Variants in DLG1 observed in about 807,000 individuals in gnomAD.
DLG1 encodes the protein disks large homolog 1.
DLG1 carries 42 observed loss-of-function variants against 123.4 expected under a neutral mutation model. That is an observed-to-expected ratio of 0.34 (90% CI 0.27 to 0.44). The LOEUF (loss-of-function observed/expected upper bound fraction) is 0.44. Ranked by LOEUF, DLG1 falls within the 20% of genes least tolerant of loss-of-function variation. The pLI, the probability that DLG1 is intolerant of heterozygous loss-of-function variation, is 1.00. For missense variants in DLG1, 942 were observed against 1,082.6 expected, an observed-to-expected ratio of 0.87 and a Z score of 1.82; for synonymous variants, 317 against 356.2, an observed-to-expected ratio of 0.89 and a Z score of 1.24.
chr3:197,220,702 T>C (rs1736541277), intron 4 of DLG1, among the ~76,000 whole-genome samples: 1 of 152,194 alleles, frequency 6.6e-6, no homozygotes, highest in African/African-American at 2.4e-5. Context: ...TACACCATCC[T>C]GAAAGACTGA....
chr3:197,175,873 C>G (rs912363213), intron 5 of DLG1, among the ~76,000 whole-genome samples: 2 of 152,126 alleles, frequency 1.3e-5, no homozygotes, highest in Non-Finnish European at 2.9e-5. Flanking sequence ...AAAAATGTTG[C>G]TCAGGCTGAC....
chr3:197,292,775 C>T (rs1560189414), intron 3 of DLG1, among the ~76,000 whole-genome samples: 1 of 152,192 alleles, frequency 6.6e-6, no homozygotes, highest in Non-Finnish European at 1.5e-5. Context: ...AAATAAAACA[C>T]TGCATTAGAA....
chr3:197,220,151 T>C (rs1445820367), intron 4 of DLG1, among the ~76,000 whole-genome samples: 2 of 152,210 alleles, frequency 1.3e-5, no homozygotes, highest in Non-Finnish European at 2.9e-5. Context: ...GCTATATACC[T>C]AGTGCACAGG....
intron 4 of DLG1, among the ~76,000 whole-genome samples, chr3:197,208,805 T>A (rs1729917311): frequency 1.4e-5 from 2 of 145,702 alleles, no homozygotes; most frequent in Admixed American, 1.4e-4. Flanking sequence ...GAGAGGAGAT[T>A]TACCCCTGGG....
chr3:197,208,736 T>C (rs1729870994), intron 4 of DLG1, among the ~76,000 whole-genome samples: 3 of 145,344 alleles, frequency 2.1e-5, no homozygotes, highest in African/African-American at 7.3e-5. Flanking sequence ...AATACACATA[T>C]TTGCTTATAT....
intron 15 of DLG1, among the ~76,000 whole-genome samples, chr3:197,087,865 A>G (rs997426527): frequency 6.6e-6 from 1 of 152,208 alleles, no homozygotes; most frequent in South Asian, 2.1e-4. Context: ...CAACCCCACC[A>G]AAGTTCCTTT....
chr3:197,127,442 AAAAAAAAAAAAAAAAATATATATATAT>A (rs1779889373), intron 11 of DLG1, among the ~76,000 whole-genome samples: 1 of 27,724 alleles, frequency 3.6e-5, no homozygotes, highest in East Asian at 1.3e-3. Flanking sequence ...AAAAAAAAAA[AAAAAAAAAAAAAAAAATATATATATAT>A]ATATATATAT....
At chr3:197,242,410 G>T (rs1273760569) in intron 4 of DLG1, among the ~76,000 whole-genome samples, 3 of 151,940 alleles carry the variant, frequency 2.0e-5, no homozygotes, top group Admixed American at 1.3e-4. Flanking sequence ...AGAAACACTG[G>T]AGTTAAACTA....
At chr3:197,265,898 A>T (rs756958905) in intron 4 of DLG1, among the ~76,000 whole-genome samples, 1 of 152,124 alleles carries the variant, frequency 6.6e-6, no homozygotes, top group Non-Finnish European at 1.5e-5. Context: ...AAAAATACAA[A>T]AATTAGCCAG....
chr3:197,063,827 G>A (rs1709949694), intron 22 of DLG1, among the ~76,000 whole-genome samples: 1 of 151,978 alleles, frequency 6.6e-6, no homozygotes, highest in South Asian at 2.1e-4. Flanking sequence ...CACCAGCAAT[G>A]CACAACTGTT....
At chr3:197,206,897 T>C (rs991929299) in intron 4 of DLG1, among the ~76,000 whole-genome samples, 4 of 152,226 alleles carry the variant, frequency 2.6e-5, no homozygotes, top group African/African-American at 9.6e-5. Context: ...CAGTTAGGTA[T>C]CCAGGTAGAA....
At chr3:197,290,858 C>T (rs1436197869) in intron 3 of DLG1, among the ~76,000 whole-genome samples, 1 of 147,624 alleles carries the variant, frequency 6.8e-6, no homozygotes, top group Non-Finnish European at 1.5e-5. Flanking sequence ...CCACTGCACT[C>T]CAGCCTGGGT....
Position 197,259,433 on chromosome 3 carries a change from GAGT to G in DLG1, c.318+23243_318+23245del, listed in dbSNP as rs570098984. ...TGAAAAATAATTCATTATACAGAAA[GAGT>G]AATAGCCTCTACTTTCAGAATTTAC... On this transcript the variant is annotated intron_variant, in intron 4 of 24. Coordinates refer to ENST00000667157, the MANE Select transcript of DLG1 (RefSeq NM_001366207.1). Among the ~76,000 whole-genome samples, 53 of 152,196 alleles carry G rather than the reference GAGT, an allele frequency of 3.5e-4. 1 individual carries two copies. In the South Asian group the frequency reaches 0.01, roughly 30 times the overall value.
chr3:197,298,601 G>C lies in DLG1; in HGVS notation c.-97C>G, dbSNP rs930358887. 3.4e-4 allele frequency: 130 copies of C among 378,132 alleles called. No individual in the cohort carries two copies. In the Middle Eastern group the frequency reaches 4.6e-3, roughly 13 times the overall value. 23.4% of individuals were successfully genotyped at this position (378,132 alleles called of 1,614,324 possible). A position where few individuals can be genotyped will look rare whatever the true frequency, so the allele number is the denominator to read the frequency against. Reference sequence around the variant, plus strand: ...CTCCGCGGCAGAGACAGCGCCTGGCGACCCCGGGGGTAGATCCCCACCGGG... The same window carrying C: ...CTCCGCGGCAGAGACAGCGCCTGGCCACCCCGGGGGTAGATCCCCACCGGG... On this transcript the variant is annotated 5_prime_UTR_variant, in exon 1 of 25. Coordinates refer to ENST00000667157, the MANE Select transcript of DLG1 (RefSeq NM_001366207.1).
chr3:197,176,048 A>G (rs1317011475), intron 5 of DLG1, among the ~76,000 whole-genome samples: 1 of 152,158 alleles, frequency 6.6e-6, no homozygotes, highest in Non-Finnish European at 1.5e-5. Flanking sequence ...CGCCATCTAA[A>G]CAATCAAGAC....
chr3:197,286,604 G>A lies in DLG1; in HGVS notation c.152-3759C>T, dbSNP rs1028842451. On this transcript the variant is annotated intron_variant, in intron 3 of 24. Coordinates refer to ENST00000667157, the MANE Select transcript of DLG1 (RefSeq NM_001366207.1). ...TGTACAATACGGCAATAGTGGATAC[G>A]TGTCAAAGCAAAAAATGTGCACATC... Among the ~76,000 whole-genome samples the A allele has an allele frequency of 3.9e-5, 6 of 152,266 alleles. No homozygotes were observed. The South Asian group carries it at 6.2e-4, about 16-fold the overall frequency.
chr3:197,253,830 A>T (rs1755602668), intron 4 of DLG1, among the ~76,000 whole-genome samples: 1 of 152,174 alleles, frequency 6.6e-6, no homozygotes, highest in Admixed American at 6.5e-5. Context: ...CTACTAGAGG[A>T]AACTGGGTTA....
intron 5 of DLG1, among the ~76,000 whole-genome samples, chr3:197,193,501 A>G (rs1192422068): frequency 6.6e-6 from 1 of 152,238 alleles, no homozygotes. Flanking sequence ...CACTTTTTAC[A>G]CTAGTAATAA....
intron 11 of DLG1, among the ~76,000 whole-genome samples, chr3:197,122,152 T>A (rs1776763525): frequency 6.6e-6 from 1 of 151,910 alleles, no homozygotes; most frequent in African/African-American, 2.4e-5. Flanking sequence ...GGATGTGGGT[T>A]TTTTCCCCCC....
Sources: allele counts gnomAD v4.1 joint callset (sites outside exome capture counted in the v4.1 genomes callset), GRCh38; gene constraint gnomAD v4.1.1; transcripts MANE v1.5; gene names NCBI Gene and HGNC (gene_info 2026-07-23, HGNC 2026-07-21).